The following HAO1 variants were observed in gnomAD, a reference collection of about 807,000 sequenced individuals.
HAO1 encodes hydroxyacid oxidase 1, also known as 2-Hydroxyacid oxidase 1.
HAO1 carries 34 observed loss-of-function variants against 39.7 expected under a neutral mutation model. The observed-to-expected ratio is 0.86, with a 90% CI of 0.65 to 1.14. The LOEUF (loss-of-function observed/expected upper bound fraction) is 1.14, where lower values mean the gene tolerates loss of function less well. Ranked by LOEUF, HAO1 falls within the 50% of genes most tolerant of loss-of-function variation. The pLI is 0.00. For synonymous variants in HAO1, 172 were observed against 173.2 expected (o/e 0.99, Z 0.05); for missense variants, 479 against 464.5 (o/e 1.03, Z -0.29).
At chr20:7,908,060 T>C (rs1202469645) in intron 3 of HAO1, among the ~76,000 whole-genome samples, 2 of 152,154 alleles carry the variant, frequency 1.3e-5, no homozygotes, top group African/African-American at 2.4e-5. Context: ...ACCAGTTCTG[T>C]CATTAAATGT....
rs749857028 is a variant in HAO1 at position 7,915,832 on chromosome 20, T to C, written c.290-1413A>G. 8.3e-4 allele frequency among the ~76,000 whole-genome samples: 127 copies of C among 152,206 alleles called. 2 individuals are homozygous for C. The highest frequency in any genetic ancestry group is 1.5e-3 in the Non-Finnish European group (102 of 68,030). On this transcript the variant is annotated intron_variant, in intron 2 of 7. Coordinates refer to ENST00000378789, the MANE Select transcript of HAO1 (RefSeq NM_017545.3). ...TATCAAATTTGTACAATTCTACTTA[T>C]TGGTAGATGAATCTAAACAAACTAC...
At chr20:7,894,142 C>T (rs756005729) in intron 5 of HAO1, among the ~76,000 whole-genome samples, 53 of 152,162 alleles carry the variant, frequency 3.5e-4, no homozygotes, top group Non-Finnish European at 6.6e-4. Context: ...CAACGGCCCC[C>T]GGCCCCCATT....
chr20:7,909,584 C>T (rs1818946330), intron 3 of HAO1, among the ~76,000 whole-genome samples: 1 of 150,938 alleles, frequency 6.6e-6, no homozygotes, highest in Non-Finnish European at 1.5e-5. Flanking sequence ...GAGTGGCACT[C>T]AAATATACTT....
chr20:7,905,718 A>G (rs1035100992), intron 4 of HAO1, among the ~76,000 whole-genome samples: 1 of 152,178 alleles, frequency 6.6e-6, no homozygotes, highest in Non-Finnish European at 1.5e-5. Flanking sequence ...AGTCCTAGCC[A>G]TTTGTACTGG....
intron 5 of HAO1, among the ~76,000 whole-genome samples, chr20:7,890,987 G>T (rs1286009693): frequency 6.6e-6 from 1 of 152,158 alleles, no homozygotes; most frequent in Non-Finnish European, 1.5e-5. Context: ...TTGTAATCGT[G>T]AACTGTGCTT....
At chr20:7,939,329 C>A (rs2050429568) in intron 1 of HAO1, among the ~76,000 whole-genome samples, 1 of 152,084 alleles carries the variant, frequency 6.6e-6, no homozygotes, top group African/African-American at 2.4e-5. Context: ...ATCAGTGCTG[C>A]CTACCAGAGA....
At chr20:7,930,167 G>C (rs2050379367) in intron 2 of HAO1, among the ~76,000 whole-genome samples, 1 of 151,968 alleles carries the variant, frequency 6.6e-6, no homozygotes, top group Non-Finnish European at 1.5e-5. Flanking sequence ...TCTGAACCTG[G>C]CCCCAACTTC....
rs543667498 is a variant in HAO1, at chr20:7,939,614, TA to T, written c.137+671del. Among the ~76,000 whole-genome samples, 200 of 151,312 alleles carry T rather than the reference TA, an allele frequency of 1.3e-3. 2 individuals are homozygous for T. In the East Asian group the frequency reaches 0.017, roughly 13 times the overall value. ...AAATAAACCATTTTTGTAACTGCTA[TA>T]AAAAAAAACCCTTTGAAATGATTTT... On this transcript the variant is annotated intron_variant, in intron 1 of 7. Transcript: ENST00000378789.
chr20:7,911,289 A>T (rs918403965), intron 3 of HAO1, among the ~76,000 whole-genome samples: 2 of 152,176 alleles, frequency 1.3e-5, no homozygotes, highest in Admixed American at 1.3e-4. Context: ...TCAATAAATC[A>T]TTTCTGGGCT....
At chr20:7,910,411 A>G (rs1262526368) in intron 3 of HAO1, among the ~76,000 whole-genome samples, 1 of 152,200 alleles carries the variant, frequency 6.6e-6, no homozygotes, top group African/African-American at 2.4e-5. Flanking sequence ...AAGGTATTAT[A>G]TTACAGTTCC....
At chr20:7,883,698 A>T in intron 7 of HAO1, 35 bp from the exon 8 acceptor site, 5 of 1,346,456 alleles carry the variant, frequency 3.7e-6, no homozygotes, top group Non-Finnish European at 5.3e-6. Flanking sequence ...ATATGAACTG[A>T]ATGCAATAAT....
chr20:7,926,096 A>G (rs1433633496), intron 2 of HAO1, among the ~76,000 whole-genome samples: 1 of 152,108 alleles, frequency 6.6e-6, no homozygotes, highest in Non-Finnish European at 1.5e-5. Flanking sequence ...CAGAAAGAGC[A>G]TGTCACTGAC....
chr20:7,913,665 A>G (rs2050291511), intron 3 of HAO1, among the ~76,000 whole-genome samples: 1 of 152,228 alleles, frequency 6.6e-6, no homozygotes. Flanking sequence ...GAATGAATCA[A>G]TGAATCTTGA....
Position 7,895,151 on chromosome 20 carries a change from G to T in HAO1, c.795C>A (p.Leu265=). 6.2e-7 allele frequency: 1 copy of T among 1,610,038 alleles called. No homozygotes were observed. Among genetic ancestry groups the T allele is most frequent in the Non-Finnish European group, 8.5e-7 (1 of 1,176,446 alleles). The stretch of plus-strand genomic sequence containing the variant: ...AACTCACAGTGGCTGGCACCCCATC[G>T]AGTTGTCGAGCCCCATGATTCGACA... The part of the protein sequence containing the change: ...ILVSNHGARQ[L]DGVPATIDVL... Residue 265 remains leucine (L), a synonymous_variant, in exon 5 of 8, where the codon CTC becomes CTA. Transcript: ENST00000378789.
chr20:7,890,076 G>T (rs1042952957), intron 5 of HAO1, among the ~76,000 whole-genome samples: 1 of 151,986 alleles, frequency 6.6e-6, no homozygotes, highest in African/African-American at 2.4e-5. Flanking sequence ...TGTACTTTGC[G>T]GTACACCAAA....
intron 4 of HAO1, among the ~76,000 whole-genome samples, chr20:7,901,171 A>G (rs1180806389): frequency 6.6e-6 from 1 of 152,206 alleles, no homozygotes; most frequent in Non-Finnish European, 1.5e-5. Context: ...CTATAACATA[A>G]AAGTGCAAGA....
intron 3 of HAO1, among the ~76,000 whole-genome samples, chr20:7,913,033 T>C (rs2050287496): frequency 6.6e-6 from 1 of 152,216 alleles, no homozygotes. Context: ...CTGAAATAGA[T>C]ATGAAATTCC....
chr20:7,928,109 C>T (rs534699196), intron 2 of HAO1, among the ~76,000 whole-genome samples: 90 of 152,276 alleles, frequency 5.9e-4, no homozygotes, highest in Middle Eastern at 3.4e-3. Context: ...TTATTAAAGA[C>T]GTTTGTGTTT....
intron 1 of HAO1, among the ~76,000 whole-genome samples, chr20:7,939,785 T>A (rs2235237): frequency 0.24 from 36,856 of 152,088 alleles, 4,885 homozygotes; most frequent in East Asian, 0.48. Flanking sequence ...GTTGAAAGAT[T>A]AATGCTGCAT....
Sources: allele counts gnomAD v4.1 joint callset (sites outside exome capture counted in the v4.1 genomes callset), GRCh38; gene constraint gnomAD v4.1.1; transcripts MANE v1.5; gene names NCBI Gene and HGNC (gene_info 2026-07-23, HGNC 2026-07-21).